The following ELP4 variants were observed in gnomAD, a reference collection of about 807,000 sequenced individuals.
The protein encoded by ELP4 is elongator acetyltransferase complex subunit 4.
Under a neutral mutation model 48.9 loss-of-function variants are expected in ELP4, and 51 were observed. The observed-to-expected ratio is 1.04, with a 90% CI of 0.83 to 1.32. The LOEUF (loss-of-function observed/expected upper bound fraction) is 1.32. Among genes scored for constraint, ELP4 ranks in the 40% most tolerant of loss-of-function variants. The probability of loss-of-function intolerance (pLI) is 0.00; values close to 1 mark genes in which losing one functional copy is unlikely to be tolerated. For synonymous variants in ELP4, 210 were observed against 189.2 expected, an observed-to-expected ratio of 1.11 and a Z score of -0.90; for missense variants, 519 against 514.6, an observed-to-expected ratio of 1.01 and a Z score of -0.08.
chr11:31,748,015 A>G (rs1279051588), intron 9 of ELP4, among the ~76,000 whole-genome samples: 1 of 152,196 alleles, frequency 6.6e-6, no homozygotes, highest in African/African-American at 2.4e-5. Flanking sequence ...ACTATGTCCA[A>G]AAAAGAGCTC....
chr11:31,605,093 C>G (rs1957849933), intron 5 of ELP4, among the ~76,000 whole-genome samples: 1 of 151,930 alleles, frequency 6.6e-6, no homozygotes, highest in Non-Finnish European at 1.5e-5. Flanking sequence ...TCAGATTTAT[C>G]TTTCTTTTTT....
chr11:31,611,118 T>A (rs574557733), intron 5 of ELP4, among the ~76,000 whole-genome samples: 1 of 152,330 alleles, frequency 6.6e-6, no homozygotes, highest in Admixed American at 6.5e-5. Context: ...CCTTGCTCCT[T>A]GTTGGCTCCT....
At chr11:31,523,968 T>A (rs1956255562) in intron 2 of ELP4, among the ~76,000 whole-genome samples, 1 of 152,086 alleles carries the variant, frequency 6.6e-6, no homozygotes, top group South Asian at 2.1e-4. Flanking sequence ...ATACTGAGCA[T>A]CAAAAAGGTT....
At chr11:31,574,489 A>C (rs1203224100) in intron 3 of ELP4, among the ~76,000 whole-genome samples, 1 of 152,224 alleles carries the variant, frequency 6.6e-6, no homozygotes, top group African/African-American at 2.4e-5. Flanking sequence ...TGCCTCCTCA[A>C]CTGGGTCCCT....
intron 9 of ELP4, among the ~76,000 whole-genome samples, chr11:31,707,891 T>G (rs1288934166): frequency 6.6e-6 from 1 of 152,190 alleles, no homozygotes; most frequent in Non-Finnish European, 1.5e-5. Flanking sequence ...TTATAAGGAC[T>G]CTTGTGATTA....
At chr11:31,741,594 C>G (rs2134220462) in intron 9 of ELP4, among the ~76,000 whole-genome samples, 1 of 152,312 alleles carries the variant, frequency 6.6e-6, no homozygotes, top group South Asian at 2.1e-4. Flanking sequence ...TCACCAATAT[C>G]CACTGTTCTG....
intron 3 of ELP4, among the ~76,000 whole-genome samples, chr11:31,543,901 T>G (rs548274147): frequency 1.3e-4 from 19 of 144,538 alleles, no homozygotes; most frequent in African/African-American, 5.5e-4. Flanking sequence ...AATAAAGACT[T>G]TCTCAAATGC....
At chr11:31,628,816 T>A (rs1944800822) in intron 6 of ELP4, among the ~76,000 whole-genome samples, 1 of 152,110 alleles carries the variant, frequency 6.6e-6, no homozygotes, top group African/African-American at 2.4e-5. Flanking sequence ...TTGTACTGTT[T>A]GCTAAATTAC....
At chr11:31,601,604 C>T (rs1372789187) in intron 4 of ELP4, among the ~76,000 whole-genome samples, 6 of 152,148 alleles carry the variant, frequency 3.9e-5, no homozygotes, top group South Asian at 4.2e-4. Flanking sequence ...TTAATAGAGA[C>T]GGCAACTTAA....
intron 9 of ELP4, among the ~76,000 whole-genome samples, chr11:31,778,801 G>A (rs1948303175): frequency 6.6e-6 from 1 of 152,210 alleles, no homozygotes; most frequent in Non-Finnish European, 1.5e-5. Context: ...AGGGACCAAT[G>A]TAGAACCTGT....
chr11:31,782,014 G>A (rs1948388266), intron 9 of ELP4, among the ~76,000 whole-genome samples: 1 of 152,120 alleles, frequency 6.6e-6, no homozygotes, highest in Non-Finnish European at 1.5e-5. Flanking sequence ...TACTCTATGA[G>A]TGTTACAGCT....
Position 31,528,242 on chromosome 11 carries a change from C to T in ELP4, c.259+8151C>T, listed in dbSNP as rs536546851. ...CTGTAAACTCTATAACCATGGGAGCCATGTAGGAGCATAATGAATAAATGA... is the reference window on the plus strand; with the variant it reads ...CTGTAAACTCTATAACCATGGGAGCTATGTAGGAGCATAATGAATAAATGA... On this transcript the variant is annotated intron_variant, in intron 2 of 9. Coordinates refer to ENST00000640961, the MANE Select transcript of ELP4 (RefSeq NM_019040.5). Among the ~76,000 whole-genome samples, 74 of 152,030 alleles carry T rather than the reference C, an allele frequency of 4.9e-4. No homozygotes were observed. The South Asian group carries it at 0.014, about 29-fold the overall frequency.
chr11:31,623,390 T>TATAAA (rs67986763), intron 5 of ELP4, among the ~76,000 whole-genome samples: 4 of 92,580 alleles, frequency 4.3e-5, no homozygotes, highest in East Asian at 6.4e-4. Context: ...TATATATATA[T>TATAAA]AAAACTAGAA....
chr11:31,773,057 G>T (rs1948181782), intron 9 of ELP4, among the ~76,000 whole-genome samples: 1 of 152,170 alleles, frequency 6.6e-6, no homozygotes, highest in Admixed American at 6.5e-5. Context: ...GCCCTTTGGG[G>T]GCTCCACAGT....
chr11:31,690,626 C>T (rs900643261), intron 9 of ELP4, among the ~76,000 whole-genome samples: 5 of 151,918 alleles, frequency 3.3e-5, no homozygotes, highest in African/African-American at 9.7e-5. Context: ...CGTTAGCTTC[C>T]TACCTTCATT....
At chr11:31,701,067 C>T (rs946637193) in intron 9 of ELP4, among the ~76,000 whole-genome samples, 1 of 152,056 alleles carries the variant, frequency 6.6e-6, no homozygotes, top group African/African-American at 2.4e-5. Flanking sequence ...CTTGATTAGC[C>T]ATAGTGGCTA....
At chr11:31,518,493 G>GTTTTT (rs1565032071) in intron 1 of ELP4, among the ~76,000 whole-genome samples, 1 of 132,448 alleles carries the variant, frequency 7.6e-6, no homozygotes. Flanking sequence ...CCATAGTTCA[G>GTTTTT]ATTTTTTTTT....
chr11:31,749,519 A>G (rs1947670605), intron 9 of ELP4, among the ~76,000 whole-genome samples: 1 of 152,252 alleles, frequency 6.6e-6, no homozygotes. Context: ...CTGTTACTCC[A>G]AATTACTTCC....
intron 9 of ELP4, among the ~76,000 whole-genome samples, chr11:31,704,116 G>A (rs1392522816): frequency 6.6e-6 from 1 of 151,772 alleles, no homozygotes; most frequent in Admixed American, 6.6e-5. Flanking sequence ...AGTTTGCAGT[G>A]CAATTGTCTT....
Sources: allele counts gnomAD v4.1 joint callset (sites outside exome capture counted in the v4.1 genomes callset), GRCh38; gene constraint gnomAD v4.1.1; transcripts MANE v1.5; gene names NCBI Gene and HGNC (gene_info 2026-07-23, HGNC 2026-07-21).